Variants in VCPKMT observed in about 807,000 individuals in gnomAD.
The protein encoded by VCPKMT is protein N-lysine methyltransferase METTL21D.
Under a neutral mutation model 28.6 loss-of-function variants are expected in VCPKMT, and 32 were observed. That is an observed-to-expected ratio of 1.12 (90% CI 0.84 to 1.50). VCPKMT has a LOEUF of 1.50. Among genes scored for constraint, VCPKMT ranks in the 40% most tolerant of loss-of-function variants. The pLI is 0.00. For missense variants in VCPKMT, 366 were observed against 285.0 expected (o/e 1.28, Z -2.05); for synonymous variants, 138 against 111.4 (o/e 1.24, Z -1.50).
chr14:50,112,795 G>T, intron 4 of VCPKMT, 76 bp from the exon 5 acceptor site: 2 of 1,096,724 alleles, frequency 1.8e-6, no homozygotes, highest in Non-Finnish European at 2.6e-6. Context: ...CAGAATGCTG[G>T]TTACTTTTTT....
At chr14:50,112,395 G>GAAAA (rs59968443) in intron 5 of VCPKMT, among the ~76,000 whole-genome samples, 2 of 12,002 alleles carry the variant, frequency 1.7e-4, no homozygotes, top group Non-Finnish European at 2.8e-4. Context: ...AAAAATACGA[G>GAAAA]AAAAAAAAAA....
chr14:50,109,790 T>G (rs1882520298), intron 5 of VCPKMT, 77 bp from the exon 6 acceptor site: 3 of 1,481,138 alleles, frequency 2.0e-6, no homozygotes, highest in African/African-American at 1.4e-5. Context: ...ATGCCTAATA[T>G]GCCTCATAAT....
downstream of VCPKMT, chr14:50,106,771 A>T (rs1882337030): frequency 1.4e-5 from 5 of 364,294 alleles, no homozygotes; most frequent in Non-Finnish European, 1.9e-5. Context: ...GCTGGAGTGC[A>T]GTGGTGCAAT....
intron 4 of VCPKMT, among the ~76,000 whole-genome samples, chr14:50,113,031 C>G (rs983931618): frequency 6.6e-6 from 1 of 152,142 alleles, no homozygotes; most frequent in Admixed American, 6.5e-5. Context: ...CATGATCTGC[C>G]CATCTCGGCC....
chr14:50,115,866 C>T lies in VCPKMT; in HGVS notation c.423G>A (p.Leu141=), dbSNP rs370463446. 6.8e-6 allele frequency: 11 copies of T among 1,612,938 alleles called. No homozygotes were observed. Among genetic ancestry groups the T allele is most frequent in the Admixed American group, 1.7e-5 (1 of 60,004 alleles). Residue 141 remains leucine, a synonymous_variant, in exon 3 of 6, where the codon CTG becomes CTA. Coordinates refer to ENST00000395860, the MANE Select transcript of VCPKMT (RefSeq NM_024558.3). ...CTTCATAGTATATGCAGTCGGCCAT[C>T]AGTATGAAGTCGGGTGGAGAAGGAA... The part of the protein sequence containing the change: ...EGFPSPPDFI[L]MADCIYYEES...
intron 5 of VCPKMT, among the ~76,000 whole-genome samples, chr14:50,112,330 G>A (rs1305493375): frequency 7.4e-6 from 1 of 134,470 alleles, no homozygotes; most frequent in Admixed American, 8.5e-5. Context: ...CGGATCACTT[G>A]AGCCCAGGAG....
chr14:50,114,947 G>T (rs1394611672), intron 3 of VCPKMT, among the ~76,000 whole-genome samples: 1 of 152,058 alleles, frequency 6.6e-6, no homozygotes, highest in Admixed American at 6.6e-5. Flanking sequence ...CCAGAAAAAG[G>T]ATTCAGATGA....
At position 50,109,125 on chromosome 14, in the gene VCPKMT, A is replaced by G. The variant is rs45608932; in HGVS notation, c.*574T>C. The G allele has an allele frequency of 0.024, 22,047 of 930,842 alleles. 331 individuals are homozygous for G. Among genetic ancestry groups the G allele is most frequent in the Non-Finnish European group, 0.026 (20,061 of 779,776 alleles). The allele number at this position is 930,842 out of a possible 1,614,324, so 57.7% of individuals were successfully genotyped here. On this transcript the variant is annotated 3_prime_UTR_variant, in exon 6 of 6. Coordinates refer to ENST00000395860, the MANE Select transcript of VCPKMT (RefSeq NM_024558.3). ...GGAGGAAAAGAAAACTTTGGCTAAT[A>G]TAAGTATACAAGACAATATCTCAGT...
intron 4 of VCPKMT, among the ~76,000 whole-genome samples, chr14:50,112,974 GA>G (rs1882808779): frequency 6.6e-6 from 1 of 152,174 alleles, no homozygotes; most frequent in Non-Finnish European, 1.5e-5. Flanking sequence ...TTTTAGTAAA[GA>G]AAGGGTTTCA....
downstream of VCPKMT, among the ~76,000 whole-genome samples, chr14:50,108,410 C>T (rs1208719996): frequency 6.6e-6 from 1 of 152,154 alleles, no homozygotes. Flanking sequence ...TTAGGTTACA[C>T]TGCCTTGCAA....
Position 50,115,839 on chromosome 14 carries a change from C to T in VCPKMT, c.450G>A (p.Glu150=), listed in dbSNP as rs1027547484. Residue 150 remains glutamate, a splice_region_variant and synonymous_variant, in exon 3 of 6, where the codon GAG becomes GAA. Coordinates refer to ENST00000395860, the MANE Select transcript of VCPKMT (RefSeq NM_024558.3). ...GAGACTTCGCTCACTGGATACTTAC[C>T]TCTTCATAGTATATGCAGTCGGCCA... ...ILMADCIYYE[E]SLEPLLKTLK... 1.2e-6 allele frequency: 2 copies of T among 1,603,556 alleles called. No individual in the cohort carries two copies. Among genetic ancestry groups the T allele is most frequent in the African/African-American group, 1.3e-5 (1 of 74,808 alleles).
At chr14:50,110,108 G>A (rs1395586961) in intron 5 of VCPKMT, among the ~76,000 whole-genome samples, 3 of 152,078 alleles carry the variant, frequency 2.0e-5, no homozygotes, top group Non-Finnish European at 2.9e-5. Context: ...TTAGCTGGGC[G>A]TCGTGGCACA....
chr14:50,112,659 G>T lies in VCPKMT; in HGVS notation c.631C>A (p.Arg211=). The change falls in exon 5 of 6, where the codon CGA becomes AGA. Residue 211 remains arginine, a synonymous_variant. Coordinates refer to ENST00000395860, the MANE Select transcript of VCPKMT (RefSeq NM_024558.3). ...TATATAATATGAATATCTTCACTTC[G>T]ATACTCTTCATCATGTTTTTCCAAA... The part of the protein sequence containing the change: ...IPLEKHDEEY[R]SEDIHIIYIR... The T allele has an allele frequency of 6.4e-7, 1 of 1,574,312 alleles. No individual in the cohort carries two copies. Among genetic ancestry groups the T allele is most frequent in the Non-Finnish European group, 8.6e-7 (1 of 1,156,736 alleles).
In VCPKMT at chr14:50,112,732, A is replaced by C; in HGVS notation, c.571-13T>G. The C allele has an allele frequency of 6.6e-7, 1 of 1,518,308 alleles. No homozygotes were observed. Among genetic ancestry groups the C allele is most frequent in the South Asian group, 1.2e-5 (1 of 83,574 alleles). The allele number at this position is 1,518,308 out of a possible 1,614,324, so 94.1% of individuals were successfully genotyped here. On this transcript the variant is annotated splice_polypyrimidine_tract_variant and intron_variant, in intron 4 of 5. Transcript: ENST00000395860. ...CTAGCTGAAGGAGCTATAAATTTAA[A>C]AGAGACATACTTCAAATTCAATAAT...
Position 50,111,204 on chromosome 14 carries a change from A to G in VCPKMT, c.675+1411T>C, listed in dbSNP as rs1406040355. On this transcript the variant is annotated intron_variant, in intron 5 of 5. Coordinates refer to ENST00000395860, the MANE Select transcript of VCPKMT (RefSeq NM_024558.3). ...GGCCGAAAAAAAAAAAAAAGCCTCT[A>G]TATTTAGGAAACACAAAATCTTTCT... is the stretch of plus-strand genomic sequence containing the variant. The G allele has an allele frequency of 3.1e-6, 3 of 982,836 alleles. No homozygotes were observed. In the Admixed American group the frequency reaches 1.9e-4, roughly 61 times the overall value. 60.9% of individuals were successfully genotyped at this position (982,836 alleles called of 1,614,324 possible).
Position 50,114,946 on chromosome 14 carries a change from G to T in VCPKMT, c.451-542C>A, listed in dbSNP as rs533465945. On this transcript the variant is annotated intron_variant, in intron 3 of 5. Coordinates refer to ENST00000395860, the MANE Select transcript of VCPKMT (RefSeq NM_024558.3). ...GTACTGATTTTGGTTTCCAGAAAAA[G>T]GATTCAGATGACTGCATTTTGGAGT... Among the ~76,000 whole-genome samples, 8 of 152,154 alleles carry T rather than the reference G, an allele frequency of 5.3e-5. No individual in the cohort carries two copies. The East Asian group carries it at 1.5e-3, about 29-fold the overall frequency.
At chr14:50,114,055 T>C (rs1882921184) in intron 4 of VCPKMT, among the ~76,000 whole-genome samples, 1 of 152,214 alleles carries the variant, frequency 6.6e-6, no homozygotes, top group Non-Finnish European at 1.5e-5. Context: ...GTGGCACCCG[T>C]ATTAACATTC....
intron 2 of VCPKMT, 33 bp downstream of exon 2, chr14:50,116,036 A>C (rs759150068): frequency 6.3e-7 from 1 of 1,596,084 alleles, no homozygotes; most frequent in Non-Finnish European, 8.6e-7. Context: ...CTACAAATCA[A>C]TATCTTAAAA....
In VCPKMT at chr14:50,112,704, A is replaced by T. The variant is rs772862866; in HGVS notation, c.586T>A (p.Phe196Ile). 3 of 1,568,398 alleles carry T rather than the reference A, an allele frequency of 1.9e-6. No homozygotes were observed. In the African/African-American group the frequency reaches 4.1e-5, roughly 21 times the overall value. The change falls in exon 5 of 6, where the codon TTT becomes ATT. Residue 196 changes from phenylalanine to isoleucine, a missense_variant. Transcript: ENST00000395860. ...KKYFELLQLD[F>I]DFEKIPLEKH... ...TCCAAAGGAATTTTTTCAAAGTCAAAATCTAGCTGAAGGAGCTATAAATTT... is the reference window on the plus strand; with the variant it reads ...TCCAAAGGAATTTTTTCAAAGTCAATATCTAGCTGAAGGAGCTATAAATTT...
Sources: allele counts gnomAD v4.1 joint callset (sites outside exome capture counted in the v4.1 genomes callset), GRCh38; gene constraint gnomAD v4.1.1; transcripts MANE v1.5; gene names NCBI Gene and HGNC (gene_info 2026-07-23, HGNC 2026-07-21).